Variants in DAPK1 observed in about 807,000 individuals in gnomAD.
DAPK1 encodes death associated protein kinase 1.
A neutral mutation model predicts 144.9 loss-of-function variants in DAPK1; 56 were observed. The ratio of observed to expected loss-of-function variants is 0.39; its 90% CI spans 0.31 to 0.48. DAPK1 has a LOEUF of 0.48. Ranked by LOEUF, DAPK1 falls within the 20% of genes least tolerant of loss-of-function variation. The pLI is 0.95. For synonymous variants in DAPK1, 690 were observed against 749.0 expected (o/e 0.92, Z 1.29); for missense variants, 1,454 against 1,875.4 (o/e 0.78, Z 4.15).
At chr9:87,703,447 T>C (rs1459715694) in intron 25 of DAPK1, among the ~76,000 whole-genome samples, 1 of 148,886 alleles carries the variant, frequency 6.7e-6, no homozygotes, top group Non-Finnish European at 1.5e-5. Context: ...GTTTTGCTTT[T>C]ATTTCCAGAG....
At chr9:87,634,449 C>T (rs1330763227) in intron 3 of DAPK1, among the ~76,000 whole-genome samples, 1 of 152,204 alleles carries the variant, frequency 6.6e-6, no homozygotes, top group Admixed American at 6.5e-5. Flanking sequence ...GTACTTCTTG[C>T]ATCTTACCTG....
intron 3 of DAPK1, among the ~76,000 whole-genome samples, chr9:87,615,580 A>G (rs779473602): frequency 6.6e-6 from 1 of 152,242 alleles, no homozygotes; most frequent in Non-Finnish European, 1.5e-5. Context: ...TAGAACGTTC[A>G]CTACTTTTAA....
rs540028751 is a variant in DAPK1, at chr9:87,536,034, G to T, written c.62+36895G>T. Reference sequence around the variant, plus strand: ...TTTATACCTGTCCCCAGCCTCTTCCGCCTCCCAAGTGAAATGGGGCTTGCC... The same window carrying T: ...TTTATACCTGTCCCCAGCCTCTTCCTCCTCCCAAGTGAAATGGGGCTTGCC... On this transcript the variant is annotated intron_variant, in intron 2 of 25. Coordinates refer to ENST00000408954, the MANE Select transcript of DAPK1 (RefSeq NM_004938.4). 2.0e-5 allele frequency among the ~76,000 whole-genome samples: 3 copies of T among 152,240 alleles called. No homozygotes were observed. The East Asian group carries it at 5.8e-4, about 29-fold the overall frequency.
At chr9:87,525,179 T>C in intron 2 of DAPK1, 3 of 718,324 alleles carry the variant, frequency 4.2e-6, no homozygotes, top group Middle Eastern at 3.6e-4. Context: ...TGTCTTCCTG[T>C]GTGTTTGGAT....
intron 3 of DAPK1, among the ~76,000 whole-genome samples, chr9:87,630,409 A>T (rs1180413322): frequency 6.6e-6 from 1 of 152,220 alleles, no homozygotes; most frequent in Non-Finnish European, 1.5e-5. Flanking sequence ...TCTCATGCAG[A>T]TAGGGTAGGT....
chr9:87,609,992 C>G (rs992626193), intron 3 of DAPK1, among the ~76,000 whole-genome samples: 3 of 152,214 alleles, frequency 2.0e-5, no homozygotes, highest in Non-Finnish European at 4.4e-5. Context: ...TACCCCTTCT[C>G]TTGGTATTTC....
chr9:87,524,582 T>A (rs931223847), intron 2 of DAPK1, among the ~76,000 whole-genome samples: 2 of 152,140 alleles, frequency 1.3e-5, no homozygotes, highest in African/African-American at 4.8e-5. Flanking sequence ...CCCCAAACAG[T>A]GTGAATGCGC....
Position 87,536,573 on chromosome 9 carries a change from T to C in DAPK1, c.62+37434T>C, listed in dbSNP as rs550293158. Among the ~76,000 whole-genome samples the C allele has an allele frequency of 1.6e-4, 24 of 152,226 alleles. No homozygotes were observed. The South Asian group carries it at 5.0e-3, about 32-fold the overall frequency. On this transcript the variant is annotated intron_variant, in intron 2 of 25. Transcript: ENST00000408954. ...TTAACTTAACCAATAAATAACACAATAAAAATTAAAGCACTTAAAATACTG... is the reference window on the plus strand; with the variant it reads ...TTAACTTAACCAATAAATAACACAACAAAAATTAAAGCACTTAAAATACTG...
chr9:87,698,077 G>A (rs1825321251), intron 22 of DAPK1, among the ~76,000 whole-genome samples: 1 of 152,224 alleles, frequency 6.6e-6, no homozygotes, highest in Non-Finnish European at 1.5e-5. Context: ...AACAAGAGAA[G>A]CAGCCTTCCC....
At chr9:87,522,655 A>G (rs1825342081) in intron 2 of DAPK1, among the ~76,000 whole-genome samples, 1 of 152,222 alleles carries the variant, frequency 6.6e-6, no homozygotes, top group African/African-American at 2.4e-5. Context: ...AATTCCTAGA[A>G]GTGGAATTGC....
intron 21 of DAPK1, among the ~76,000 whole-genome samples, chr9:87,690,242 AGT>A (rs1825009916): frequency 2.0e-5 from 3 of 151,710 alleles, no homozygotes; most frequent in Admixed American, 6.6e-5. Flanking sequence ...TTTATTCCTG[AGT>A]ATTTTATTTT....
In DAPK1 at chr9:87,651,629, G is replaced by T. The variant is rs369647209; in HGVS notation, c.1729G>T (p.Gly577Cys). 3.1e-6 allele frequency: 5 copies of T among 1,614,154 alleles called. No individual in the cohort carries two copies. In the Admixed American group the frequency reaches 8.3e-5, roughly 27 times the overall value. Reference protein sequence around the residue: ...GCFVDYQDRHGNTPLHVACKD... With the variant: ...GCFVDYQDRHCNTPLHVACKD... ...TTTCGTCGATTATCAAGACAGGCAC[G>T]GCAATACTCCCCTCCATGTGGCATG... is the stretch of plus-strand genomic sequence containing the variant. The change falls in exon 17 of 26, where the codon GGC becomes TGC. Residue 577 changes from glycine (G) to cysteine (C), a missense_variant. Transcript: ENST00000408954.
chr9:87,634,489 C>T (rs1299787455), intron 3 of DAPK1, among the ~76,000 whole-genome samples: 1 of 152,144 alleles, frequency 6.6e-6, no homozygotes, highest in Admixed American at 6.5e-5. Context: ...CCTGGAGGCC[C>T]CCAGTCCATG....
chr9:87,557,123 A>G (rs1416327063), intron 2 of DAPK1, among the ~76,000 whole-genome samples: 1 of 152,190 alleles, frequency 6.6e-6, no homozygotes, highest in African/African-American at 2.4e-5. Flanking sequence ...ACTCTTCCTC[A>G]ACATCCTCGA....
intron 2 of DAPK1, among the ~76,000 whole-genome samples, chr9:87,582,954 C>T (rs566461681): frequency 6.6e-6 from 1 of 152,148 alleles, no homozygotes; most frequent in South Asian, 2.1e-4. Flanking sequence ...GTAGCTGCTG[C>T]ATGGTAAGTT....
intron 2 of DAPK1, among the ~76,000 whole-genome samples, chr9:87,516,899 A>G (rs1825081861): frequency 6.6e-6 from 1 of 152,106 alleles, no homozygotes; most frequent in Non-Finnish European, 1.5e-5. Context: ...GTCCGGATGT[A>G]GGTTATGGGA....
chr9:87,681,890 A>C, intron 20 of DAPK1: 2 of 530,182 alleles, frequency 3.8e-6, no homozygotes, highest in Non-Finnish European at 6.8e-6. Context: ...ATCCTCATAA[A>C]TGTGCAAACT....
rs374257586 is a variant in DAPK1 at position 87,681,409 on chromosome 9, G to A, written c.2007G>A (p.Thr669=). ...TCTTTCTCATCCATGCTCAGGATAC[G>A]CACCGAGGACTCTTCATCCAGCAGC... ...AGLLARLRKD[T]HRGLFIQQLR... The change falls in exon 20 of 26, where the codon ACG becomes ACA. Residue 669 remains threonine (T), a synonymous_variant. Coordinates refer to ENST00000408954, the MANE Select transcript of DAPK1 (RefSeq NM_004938.4). 1.3e-5 allele frequency: 20 copies of A among 1,585,092 alleles called. No homozygotes were observed. Among genetic ancestry groups the A allele is most frequent in the South Asian group, 7.7e-5 (7 of 90,418 alleles).
intron 3 of DAPK1, among the ~76,000 whole-genome samples, chr9:87,626,376 C>G (rs1319144795): frequency 6.6e-6 from 1 of 152,194 alleles, no homozygotes; most frequent in Non-Finnish European, 1.5e-5. Flanking sequence ...GATCATACCA[C>G]TGCACTCCAG....
Sources: gnomAD v4.1 joint callset for allele counts (sites outside exome capture counted in the v4.1 genomes callset) on GRCh38, gnomAD v4.1.1 for gene constraint, MANE v1.5 for transcripts, NCBI Gene and HGNC (gene_info 2026-07-23, HGNC 2026-07-21) for gene names.